Variants in DNAH5 observed in about 807,000 individuals in gnomAD.
The protein encoded by DNAH5 is axonemal beta dynein heavy chain 5.
A neutral mutation model predicts 518.2 loss-of-function variants in DNAH5; 372 were observed. The observed-to-expected ratio is 0.72, with a 90% CI of 0.66 to 0.78. The LOEUF (loss-of-function observed/expected upper bound fraction) is 0.78, where lower values mean the gene tolerates loss of function less well. Among genes scored for constraint, DNAH5 ranks in the 30% least tolerant of loss-of-function variants. DNAH5 has a pLI of 0.00. For synonymous variants in DNAH5, 2,039 were observed against 2,025.9 expected, an observed-to-expected ratio of 1.01 and a Z score of -0.17; for missense variants, 5,523 against 5,687.0, an observed-to-expected ratio of 0.97 and a Z score of 0.93.
rs200296093 is a variant in DNAH5, at chr5:13,754,881, T to G, written c.10420-543A>C. ...ACAAATGGTTCCGGTGGCTCACACC[T>G]GTAATCTCAGTACTTTGGAAGGCTG... On this transcript the variant is annotated intron_variant, in intron 61 of 78. Coordinates refer to ENST00000265104, the MANE Select transcript of DNAH5 (RefSeq NM_001369.3). 8.6e-5 allele frequency among the ~76,000 whole-genome samples: 13 copies of G among 152,044 alleles called. No individual in the cohort carries two copies. The East Asian group carries it at 9.8e-4, about 11-fold the overall frequency.
At chr5:14,009,346 C>T (rs1180822612) in intron 1 of DNAH5, among the ~76,000 whole-genome samples, 1 of 152,182 alleles carries the variant, frequency 6.6e-6, no homozygotes, top group Non-Finnish European at 1.5e-5. Flanking sequence ...AATACTGAGG[C>T]AAGCCTTGGT....
At chr5:13,784,005 C>A (rs1289639464) in intron 52 of DNAH5, among the ~76,000 whole-genome samples, 6 of 152,174 alleles carry the variant, frequency 3.9e-5, no homozygotes, top group Non-Finnish European at 5.9e-5. Context: ...ACCAGCGAGG[C>A]CCCAGCACCG....
chr5:13,743,385 A>G (rs1748878250), intron 65 of DNAH5, among the ~76,000 whole-genome samples: 1 of 152,060 alleles, frequency 6.6e-6, no homozygotes, highest in Non-Finnish European at 1.5e-5. Flanking sequence ...AGAAGAAAAC[A>G]TAAAGGAAAT....
intron 11 of DNAH5, 50 bp downstream of exon 11, chr5:13,913,693 G>C (rs1359907331): frequency 1.3e-6 from 2 of 1,598,528 alleles, no homozygotes; most frequent in African/African-American, 2.7e-5. Flanking sequence ...ATAAAATATT[G>C]AAGTTTAGTT....
rs538245686 is a variant in DNAH5, at chr5:13,940,512, G to A, written c.57+3870C>T. 1.4e-4 allele frequency among the ~76,000 whole-genome samples: 21 copies of A among 152,180 alleles called. No homozygotes were observed. The East Asian group carries it at 4.1e-3, about 29-fold the overall frequency. Reference sequence around the variant, plus strand: ...CAACAAACCACTGTGCTTAAAGCTGGCCACTCATTGGAATCATTGGAGAGC... The same window carrying A: ...CAACAAACCACTGTGCTTAAAGCTGACCACTCATTGGAATCATTGGAGAGC... On this transcript the variant is annotated intron_variant, in intron 1 of 78. Transcript: ENST00000265104.
intron 11 of DNAH5, among the ~76,000 whole-genome samples, 178 bp downstream of exon 11, chr5:13,913,565 A>G (rs1374854651): frequency 1.3e-5 from 2 of 152,178 alleles, no homozygotes; most frequent in African/African-American, 4.8e-5. Flanking sequence ...AGAACATATT[A>G]GCACCATTAC....
chr5:13,905,223 C>A (rs1288068357), intron 12 of DNAH5, among the ~76,000 whole-genome samples: 1 of 152,114 alleles, frequency 6.6e-6, no homozygotes, highest in Non-Finnish European at 1.5e-5. Context: ...CTCCAAAACT[C>A]CTGTTGAAAT....
intron 6 of DNAH5, 124 bp from the exon 7 acceptor site, chr5:13,919,476 A>T: frequency 8.9e-7 from 1 of 1,124,550 alleles, no homozygotes; most frequent in Non-Finnish European, 1.3e-6. Flanking sequence ...TGCGTATTCC[A>T]TGCTTCCAAT....
chr5:13,765,710 A>G (rs1198620015), intron 59 of DNAH5, among the ~76,000 whole-genome samples: 1 of 152,226 alleles, frequency 6.6e-6, no homozygotes, highest in African/African-American at 2.4e-5. Flanking sequence ...TGTGAATATA[A>G]TATAAATACA....
chr5:13,876,966 A>T (rs993611517), intron 21 of DNAH5, 149 bp from the exon 22 acceptor site: 2 of 815,226 alleles, frequency 2.5e-6, no homozygotes, highest in East Asian at 2.7e-5. Flanking sequence ...AGAGTTGTCA[A>T]TGTCAACTTT....
In DNAH5 at chr5:13,766,017, A is replaced by G. The variant is rs1752467543; in HGVS notation, c.10060T>C (p.Leu3354=). ...SCTMPSWQES[L]KLMTAGNFLQ... ...AAGTTCCCTGCAGTCATCAATTTTA[A>G]GGATTCCTGCCAGGAGGGCATGGTA... The change falls in exon 59 of 79, where the codon TTA becomes CTA. Residue 3354 remains leucine (L), a synonymous_variant. Coordinates refer to ENST00000265104, the MANE Select transcript of DNAH5 (RefSeq NM_001369.3). 2 of 1,614,102 alleles carry G rather than the reference A, an allele frequency of 1.2e-6. No individual in the cohort carries two copies. The highest frequency in any genetic ancestry group is 1.7e-5 in the Admixed American group (1 of 60,014).
At chr5:13,979,435 T>C (rs968333780) in intron 1 of DNAH5, among the ~76,000 whole-genome samples, 1 of 152,176 alleles carries the variant, frequency 6.6e-6, no homozygotes, top group Non-Finnish European at 1.5e-5. Context: ...ATGGATTTTT[T>C]AGTTCCATTC....
At chr5:13,993,944 G>A (rs1369618962) in intron 1 of DNAH5, among the ~76,000 whole-genome samples, 1 of 152,194 alleles carries the variant, frequency 6.6e-6, no homozygotes, top group Non-Finnish European at 1.5e-5. Flanking sequence ...CAAATTCCAC[G>A]AAGTGATAAA....
At chr5:13,839,215 G>T in intron 35 of DNAH5, 141 bp downstream of exon 35, 1 of 725,292 alleles carries the variant, frequency 1.4e-6, no homozygotes. Context: ...TGAAAAGAAA[G>T]CTGATAATAA....
chr5:13,713,939 A>G (rs1459489180), intron 75 of DNAH5, among the ~76,000 whole-genome samples: 5 of 152,202 alleles, frequency 3.3e-5, no homozygotes, highest in Non-Finnish European at 7.3e-5. Context: ...AAAAATATCA[A>G]TTTTCAAAAC....
chr5:13,882,267 A>T (rs1307176151), intron 21 of DNAH5, among the ~76,000 whole-genome samples: 2 of 152,100 alleles, frequency 1.3e-5, no homozygotes, highest in South Asian at 2.1e-4. Context: ...TAGCACTTCA[A>T]AAAATTAAAG....
chr5:13,897,421 C>G (rs1192903223), intron 15 of DNAH5: 1 of 152,052 alleles, frequency 6.6e-6, no homozygotes, highest in Non-Finnish European at 1.5e-5. Flanking sequence ...AAAGAGAAAC[C>G]CAGGCTTAGA....
chr5:13,692,130 G>C lies in DNAH5; in HGVS notation c.13729C>G (p.Arg4577Gly). The change falls in exon 79 of 79, where the codon CGA becomes GGA. Residue 4577 changes from arginine to glycine, a missense_variant. Physicochemically the swap from Arg to Gly is moderately radical, Grantham distance 125 (BLOSUM62 -2). Coordinates refer to ENST00000265104, the MANE Select transcript of DNAH5 (RefSeq NM_001369.3). ...IRIYAENNTL[R>G]DPRFYSCPIY... Reference sequence around the variant, plus strand: ...GGACAGGAGTAAAACCGAGGATCTCGTAAAGCTACAAAAAACATAAAAGAA... The same window carrying C: ...GGACAGGAGTAAAACCGAGGATCTCCTAAAGCTACAAAAAACATAAAAGAA... The C allele has an allele frequency of 6.2e-7, 1 of 1,613,916 alleles. No homozygotes were observed. Among genetic ancestry groups the C allele is most frequent in the South Asian group, 1.1e-5 (1 of 91,080 alleles).
chr5:14,011,167 G>A (rs896815537), intron 1 of DNAH5, among the ~76,000 whole-genome samples: 2 of 152,076 alleles, frequency 1.3e-5, no homozygotes, highest in Admixed American at 6.6e-5. Context: ...CTCTCCAGGG[G>A]AACTAAACAT....
Sources: allele counts gnomAD v4.1 joint callset (sites outside exome capture counted in the v4.1 genomes callset), GRCh38; gene constraint gnomAD v4.1.1; transcripts MANE v1.5; gene names NCBI Gene and HGNC (gene_info 2026-07-23, HGNC 2026-07-21).